The following CDK5RAP2 variants were observed in gnomAD, a reference collection of about 807,000 sequenced individuals.
CDK5RAP2 encodes CDK5 regulatory subunit associated protein 2, also known as CDK5 regulatory subunit-associated protein 2.
Under a neutral mutation model 232.9 loss-of-function variants are expected in CDK5RAP2, and 147 were observed. The ratio of observed to expected loss-of-function variants is 0.63; its 90% CI spans 0.55 to 0.72. The LOEUF (loss-of-function observed/expected upper bound fraction) is 0.72. Among genes scored for constraint, CDK5RAP2 ranks in the 30% least tolerant of loss-of-function variants. CDK5RAP2 has a pLI of 0.00. For missense variants in CDK5RAP2, 2,195 were observed against 2,231.5 expected (o/e 0.98, Z 0.33); for synonymous variants, 833 against 833.7 (o/e 1.00, Z 0.01).
rs186617396 is a variant in CDK5RAP2, at chr9:120,577,190, C to T, written c.59+2730G>A. Among the ~76,000 whole-genome samples the T allele has an allele frequency of 1.1e-4, 17 of 152,134 alleles. No individual in the cohort carries two copies. In the East Asian group the frequency reaches 2.5e-3, roughly 22 times the overall value. ...CAGCCTGGTCAACCTGGTGAAACCCCGTCTCTACCAAAAATACAAAAATTA... is the reference window on the plus strand; with the variant it reads ...CAGCCTGGTCAACCTGGTGAAACCCTGTCTCTACCAAAAATACAAAAATTA... On this transcript the variant is annotated intron_variant, in intron 1 of 37. Coordinates refer to ENST00000349780, the MANE Select transcript of CDK5RAP2 (RefSeq NM_018249.6).
chr9:120,573,035 G>A (rs889233313), intron 1 of CDK5RAP2, among the ~76,000 whole-genome samples: 1 of 152,132 alleles, frequency 6.6e-6, no homozygotes, highest in African/African-American at 2.4e-5. Context: ...CAACTCCCAC[G>A]AATACTTCCC....
chr9:120,475,290 G>A (rs1430435083), intron 15 of CDK5RAP2, among the ~76,000 whole-genome samples: 2 of 152,182 alleles, frequency 1.3e-5, no homozygotes, highest in Admixed American at 1.3e-4. Context: ...GTCTGAAGAT[G>A]AACAGGAAGC....
rs778773674 is a variant in CDK5RAP2, at chr9:120,519,169, G to A, written c.1093-524C>T. Among the ~76,000 whole-genome samples the A allele has an allele frequency of 3.0e-4, 44 of 147,918 alleles. No homozygotes were observed. In the South Asian group the frequency reaches 4.0e-3, roughly 14 times the overall value. ...AGCCTGGGTGACAGAGCGAGACTCC[G>A]TCTCAAAAAAAAAAAAAGAAAAAAA... On this transcript the variant is annotated intron_variant, in intron 11 of 37. Transcript: ENST00000349780.
chr9:120,451,237 T>A (rs990071598), intron 21 of CDK5RAP2, among the ~76,000 whole-genome samples: 16 of 152,176 alleles, frequency 1.1e-4, no homozygotes, highest in Admixed American at 2.0e-4. Flanking sequence ...AGATGTCACA[T>A]TGGAATTTCT....
intron 12 of CDK5RAP2, among the ~76,000 whole-genome samples, chr9:120,507,602 T>C (rs899627788): frequency 5.3e-5 from 8 of 152,038 alleles, no homozygotes; most frequent in African/African-American, 1.5e-4. Flanking sequence ...CAGAAAATTA[T>C]ATTTTATTTC....
chr9:120,538,696 C>G (rs972091157), intron 6 of CDK5RAP2, among the ~76,000 whole-genome samples: 1 of 152,108 alleles, frequency 6.6e-6, no homozygotes, highest in African/African-American at 2.4e-5. Flanking sequence ...ACTAGACAAG[C>G]AGAGTGGTGC....
At chr9:120,490,050 G>A (rs534297179) in intron 13 of CDK5RAP2, among the ~76,000 whole-genome samples, 138 of 152,104 alleles carry the variant, frequency 9.1e-4, no homozygotes, top group African/African-American at 3.3e-3. Flanking sequence ...CGGGTTATCC[G>A]CCCACCTCAG....
At chr9:120,455,693 C>T (rs2036731021) in intron 20 of CDK5RAP2, among the ~76,000 whole-genome samples, 1 of 151,494 alleles carries the variant, frequency 6.6e-6, no homozygotes, top group Non-Finnish European at 1.5e-5. Context: ...ACTGAGATCA[C>T]ACCACTGCAC....
intron 13 of CDK5RAP2, among the ~76,000 whole-genome samples, chr9:120,488,127 T>G (rs2038709918): frequency 6.6e-6 from 1 of 152,144 alleles, no homozygotes; most frequent in African/African-American, 2.4e-5. Context: ...CTATTTAAAA[T>G]CCTAGTAACT....
intron 12 of CDK5RAP2, among the ~76,000 whole-genome samples, chr9:120,497,421 T>TAAAAAAAAAAAAAAAA (rs71385064): frequency 1.2e-3 from 27 of 23,300 alleles, no homozygotes; most frequent in Non-Finnish European, 1.1e-3. Context: ...AAAATAAATT[T>TAAAAAAAAAAAAAAAA]AAAAAAAAAA....
chr9:120,526,769 C>G (rs570871232), intron 10 of CDK5RAP2, among the ~76,000 whole-genome samples: 1 of 152,176 alleles, frequency 6.6e-6, no homozygotes, highest in Non-Finnish European at 1.5e-5. Flanking sequence ...CTTCTTCTCT[C>G]GCCTCCTTTA....
intron 3 of CDK5RAP2, 109 bp from the exon 4 acceptor site, chr9:120,551,011 A>G: frequency 1.4e-6 from 1 of 736,890 alleles, no homozygotes; most frequent in South Asian, 1.4e-5. Flanking sequence ...ACTGATTCAA[A>G]TGTTAAATAC....
chr9:120,571,720 T>C, intron 2 of CDK5RAP2: 1 of 477,708 alleles, frequency 2.1e-6, no homozygotes, highest in Admixed American at 3.2e-5. Context: ...AAACGCTCAC[T>C]GAATCCCTAT....
rs3780679 is a variant in CDK5RAP2 at position 120,443,634 on chromosome 9, C to G, written c.3134G>C (p.Arg1045Thr). Residue 1045 changes from arginine to threonine, a missense_variant, in exon 23 of 38, where the codon AGA (arginine) becomes ACA (threonine). Physicochemically the swap from Arg to Thr is moderately conservative, Grantham distance 71. Coordinates refer to ENST00000349780, the MANE Select transcript of CDK5RAP2 (RefSeq NM_018249.6). ...TGAATTCTGACCAATCTCGTAGCTT[C>G]TTTGCTGATCACTGTCCATTTCCTT... Reference protein sequence around the residue: ...RDKEMDSDQQRSYEIDSEICP... With the variant: ...RDKEMDSDQQTSYEIDSEICP... The G allele has an allele frequency of 0.036, 57,851 of 1,613,972 alleles. 2,029 individuals carry two copies. Among genetic ancestry groups the G allele is most frequent in the African/African-American group, 0.19 (13,893 of 74,978 alleles).
At position 120,427,339 on chromosome 9, in the gene CDK5RAP2, G is replaced by A. The variant is rs543586692; in HGVS notation, c.3956-4598C>T. Among the ~76,000 whole-genome samples the A allele has an allele frequency of 1.1e-4, 16 of 152,348 alleles. No homozygotes were observed. The South Asian group carries it at 2.9e-3, about 28-fold the overall frequency. On this transcript the variant is annotated intron_variant, in intron 25 of 37. Coordinates refer to ENST00000349780, the MANE Select transcript of CDK5RAP2 (RefSeq NM_018249.6). ...GCCACATTCAATGCCGTCCTGGGCT[G>A]CATGCAGCCCATGGGCCACGGATTG...
chr9:120,555,793 T>A (rs2042207139), intron 3 of CDK5RAP2, among the ~76,000 whole-genome samples: 1 of 152,218 alleles, frequency 6.6e-6, no homozygotes, highest in Non-Finnish European at 1.5e-5. Context: ...CACCAAAAGC[T>A]GGGAGAAACT....
At position 120,509,150 on chromosome 9, in the gene CDK5RAP2, C is replaced by T. The variant is rs563529344; in HGVS notation, c.1311+9277G>A. On this transcript the variant is annotated intron_variant, in intron 12 of 37. Coordinates refer to ENST00000349780, the MANE Select transcript of CDK5RAP2 (RefSeq NM_018249.6). ...GCTCCGACTCCCTTCTTATAGGGAT[C>T]AATCAGCTGGAAAGGAACAGACAAG... is the stretch of plus-strand genomic sequence containing the variant. Among the ~76,000 whole-genome samples the T allele has an allele frequency of 2.3e-3, 347 of 152,252 alleles. 2 individuals carry two copies. The highest frequency in any genetic ancestry group is 6.9e-3 in the South Asian group (33 of 4,812).
chr9:120,525,063 A>T lies in CDK5RAP2; in HGVS notation c.1015T>A (p.Ser339Thr). Residue 339 changes from serine to threonine, a missense_variant, in exon 11 of 38, where the codon TCT becomes ACT. By Grantham distance (58) the Ser-to-Thr change is moderately conservative. Transcript: ENST00000349780. ...GCAGCACTGAGCTTTTCAATTTCAG[A>T]GTTAAGTTCTTCAACCTGGGGAAAA... The part of the protein sequence containing the change: ...SKEKKVEELN[S>T]EIEKLSAAFA... The T allele has an allele frequency of 6.2e-7, 1 of 1,613,902 alleles. No individual in the cohort carries two copies. Among genetic ancestry groups the T allele is most frequent in the South Asian group, 1.1e-5 (1 of 91,080 alleles).
rs770032912 is a variant in CDK5RAP2 at position 120,419,850 on chromosome 9, C to T, written c.4115G>A (p.Arg1372Gln). 3.7e-6 allele frequency: 6 copies of T among 1,613,874 alleles called. No individual in the cohort carries two copies. The highest frequency in any genetic ancestry group is 5.1e-6 in the Non-Finnish European group (6 of 1,179,738). ...YETSEKSFFSRDQKQDNETEK... is the reference protein window; with the variant it reads ...YETSEKSFFSQDQKQDNETEK... ...TGTCTCATTATCTTGCTTCTGGTCTCGTGAGAAGAAGGACTTTTCAGATGT... is the reference window on the plus strand; with the variant it reads ...TGTCTCATTATCTTGCTTCTGGTCTTGTGAGAAGAAGGACTTTTCAGATGT... The change falls in exon 27 of 38, where the codon CGA becomes CAA. Residue 1372 changes from arginine to glutamine, a missense_variant. Transcript: ENST00000349780.
Sources: allele counts gnomAD v4.1 joint callset (sites outside exome capture counted in the v4.1 genomes callset), GRCh38; gene constraint gnomAD v4.1.1; transcripts MANE v1.5; gene names NCBI Gene and HGNC (gene_info 2026-07-23, HGNC 2026-07-21).